The following PAX3 variants were observed in gnomAD, a reference collection of about 807,000 sequenced individuals.
The protein encoded by PAX3 is paired box 3, also known as paired box protein Pax-3.
Under a neutral mutation model 51.6 loss-of-function variants are expected in PAX3, and 14 were observed. The ratio of observed to expected loss-of-function variants is 0.27; its 90% CI spans 0.18 to 0.42. The LOEUF (loss-of-function observed/expected upper bound fraction) is 0.42, where lower values mean the gene tolerates loss of function less well. PAX3 is among the 10% of genes least tolerant of loss of function. The pLI, the probability that PAX3 is intolerant of heterozygous loss-of-function variation, is 1.00. For synonymous variants in PAX3, 280 were observed against 253.4 expected, an observed-to-expected ratio of 1.11 and a Z score of -1.00; for missense variants, 540 against 642.8, an observed-to-expected ratio of 0.84 and a Z score of 1.73.
intron 7 of PAX3, among the ~76,000 whole-genome samples, chr2:222,203,129 A>G (rs985744366): frequency 6.9e-6 from 1 of 144,552 alleles, no homozygotes; most frequent in Non-Finnish European, 1.5e-5. Context: ...AATAACCTGG[A>G]CAGTAAGACA....
intron 4 of PAX3, chr2:222,293,801 C>G: frequency 6.2e-7 from 1 of 1,614,060 alleles, no homozygotes; most frequent in Non-Finnish European, 8.5e-7. Flanking sequence ...ATTCAAGTAC[C>G]CTCTATCCCC....
rs57757180 is a variant in PAX3 at position 222,255,917 on chromosome 2, ATT to A, written c.587-23636_587-23635del. Reference sequence around the variant, plus strand: ...AGGTGCACGCCACTACGCCCAGCTAATTTTTTTTTTTTTTTTTTTTTTTGTAT... The same window carrying A: ...AGGTGCACGCCACTACGCCCAGCTAATTTTTTTTTTTTTTTTTTTTTGTAT... On this transcript the variant is annotated intron_variant, in intron 4 of 8. Coordinates refer to ENST00000392070, the MANE Select transcript of PAX3 (RefSeq NM_181458.4). Among the ~76,000 whole-genome samples, 132 of 98,322 alleles carry A rather than the reference ATT, an allele frequency of 1.3e-3. No homozygotes were observed. The South Asian group carries it at 0.03, about 22-fold the overall frequency. The allele number at this position is 98,322 out of a possible 152,430, so 64.5% of individuals were successfully genotyped here.
At chr2:222,244,819 C>T (rs1693160631) in intron 4 of PAX3, among the ~76,000 whole-genome samples, 1 of 150,882 alleles carries the variant, frequency 6.6e-6, no homozygotes, top group Admixed American at 6.6e-5. Flanking sequence ...AGTTACTCAA[C>T]TTCACCTAAC....
intron 4 of PAX3, among the ~76,000 whole-genome samples, chr2:222,259,109 A>G (rs184208344): frequency 1.1e-4 from 17 of 152,240 alleles, no homozygotes; most frequent in Middle Eastern, 3.4e-3. Context: ...TTTATTCTGT[A>G]TTTTGCCACA....
At chr2:222,230,766 A>C (rs1297193513) in intron 5 of PAX3, among the ~76,000 whole-genome samples, 1 of 151,156 alleles carries the variant, frequency 6.6e-6, no homozygotes, top group Non-Finnish European at 1.5e-5. Context: ...GAGTCAGGAG[A>C]ATCGCTTGAA....
chr2:222,291,203 C>T (rs1256012131), intron 4 of PAX3, among the ~76,000 whole-genome samples: 1 of 152,220 alleles, frequency 6.6e-6, no homozygotes, highest in Non-Finnish European at 1.5e-5. Flanking sequence ...GTGCCCACAG[C>T]CCCGGATGCC....
intron 4 of PAX3, among the ~76,000 whole-genome samples, chr2:222,291,769 G>A (rs1331274292): frequency 6.6e-6 from 1 of 152,052 alleles, no homozygotes; most frequent in Non-Finnish European, 1.5e-5. Context: ...TTTTACAAGC[G>A]GGCAGCCTGG....
At chr2:222,292,648 G>A (rs2106193581) in intron 4 of PAX3, among the ~76,000 whole-genome samples, 1 of 152,318 alleles carries the variant, frequency 6.6e-6, no homozygotes, top group African/African-American at 2.4e-5. Flanking sequence ...TTTGGTTTGG[G>A]GTTGTCTGAC....
At chr2:222,216,902 A>T (rs778355161) in intron 7 of PAX3, among the ~76,000 whole-genome samples, 1 of 152,250 alleles carries the variant, frequency 6.6e-6, no homozygotes, top group Non-Finnish European at 1.5e-5. Context: ...AATAAAATGC[A>T]GAAATATTTT....
At chr2:222,224,197 C>T (rs1337961891) in intron 5 of PAX3, among the ~76,000 whole-genome samples, 1 of 152,148 alleles carries the variant, frequency 6.6e-6, no homozygotes, top group Admixed American at 6.5e-5. Flanking sequence ...ATTTATTATA[C>T]AGTATCTATT....
At position 222,298,695 on chromosome 2, in the gene PAX3, G is replaced by A. The variant is rs1355629746; in HGVS notation, c.-80C>T. The A allele has an allele frequency of 1.5e-6, 2 of 1,354,068 alleles. No individual in the cohort carries two copies. Among genetic ancestry groups the A allele is most frequent in the Non-Finnish European group, 2.1e-6 (2 of 969,562 alleles). 83.9% of individuals were successfully genotyped at this position (1,354,068 alleles called of 1,614,324 possible). A position where few individuals can be genotyped will look rare whatever the true frequency, so the allele number is the denominator to read the frequency against. On this transcript the variant is annotated 5_prime_UTR_variant, in exon 1 of 9. Coordinates refer to ENST00000392070, the MANE Select transcript of PAX3 (RefSeq NM_181458.4). ...CGAGTGCGGCGCGGATGACCCTCGG[G>A]AACTATCCGGAGCGTGGAGAGCCCC...
intron 7 of PAX3, among the ~76,000 whole-genome samples, chr2:222,207,241 A>T (rs761368799): frequency 2.6e-5 from 4 of 152,174 alleles, no homozygotes; most frequent in Non-Finnish European, 5.9e-5. Context: ...AAATTTAAGG[A>T]GCAGAGACTT....
At chr2:222,204,170 G>GA (rs1290596357) in intron 7 of PAX3, among the ~76,000 whole-genome samples, 1 of 152,160 alleles carries the variant, frequency 6.6e-6, no homozygotes, top group Non-Finnish European at 1.5e-5. Flanking sequence ...TGGAGAAAGT[G>GA]AAAGTCACAA....
At position 222,295,641 on chromosome 2, in the gene PAX3, T is replaced by A; in HGVS notation, c.338A>T (p.Asp113Val). Residue 113 changes from aspartate (D) to valine (V), a missense_variant, in exon 3 of 9, where the codon GAC becomes GTC. Around this residue, in one of 3 missense-constraint regions of PAX3, gnomAD observed 427 missense variants for 483.6 expected, o/e 0.88. Coordinates refer to ENST00000392070, the MANE Select transcript of PAX3 (RefSeq NM_181458.4). ...GSKPKQVTTP[D>V]VEKKIEEYKR... ...GTATTCCTCAATTTTCTTCTCCACG[T>A]CAGGCGTTGTCACCTGCTTTAAGAG... The A allele has an allele frequency of 1.2e-6, 2 of 1,614,216 alleles. No homozygotes were observed. The highest frequency in any genetic ancestry group is 2.2e-5 in the South Asian group (2 of 91,086).
At chr2:222,261,438 G>A (rs1221885257) in intron 4 of PAX3, among the ~76,000 whole-genome samples, 3 of 152,060 alleles carry the variant, frequency 2.0e-5, no homozygotes, top group Non-Finnish European at 2.9e-5. Context: ...CAATTTGTAT[G>A]GAACATTACA....
In PAX3 at chr2:222,200,930, A is replaced by C; in HGVS notation, c.*478T>G. 1.8e-6 allele frequency: 1 copy of C among 555,368 alleles called. No individual in the cohort carries two copies. Among genetic ancestry groups the C allele is most frequent in the Non-Finnish European group, 3.2e-6 (1 of 310,762 alleles). The allele number at this position is 555,368 out of a possible 1,614,324, so 34.4% of individuals were successfully genotyped here. On this transcript the variant is annotated 3_prime_UTR_variant, in exon 9 of 9. Coordinates refer to ENST00000392070, the MANE Select transcript of PAX3 (RefSeq NM_181458.4). ...TGCTTCATGAAATGAGCAGTTTTAA[A>C]GTTGTAGAAGTATCAGCATCGAACA...
chr2:222,244,779 A>G (rs1188131328), intron 4 of PAX3, among the ~76,000 whole-genome samples: 1 of 151,788 alleles, frequency 6.6e-6, no homozygotes, highest in Non-Finnish European at 1.5e-5. Flanking sequence ...CTCATTCCCA[A>G]TTCCCTTAAA....
intron 4 of PAX3, among the ~76,000 whole-genome samples, chr2:222,290,880 G>A (rs1695005323): frequency 6.6e-6 from 1 of 151,838 alleles, no homozygotes; most frequent in South Asian, 2.1e-4. Flanking sequence ...AAAAAAATGG[G>A]GGGAGGTTGC....
intron 7 of PAX3, among the ~76,000 whole-genome samples, chr2:222,205,106 T>C (rs1205219992): frequency 2.0e-5 from 3 of 152,200 alleles, no homozygotes; most frequent in Non-Finnish European, 4.4e-5. Flanking sequence ...TATGATGTTG[T>C]TCATGAAGCA....
Sources: allele counts gnomAD v4.1 joint callset (sites outside exome capture counted in the v4.1 genomes callset), GRCh38; gene constraint gnomAD v4.1.1; regional missense constraint gnomAD v4.1.1; transcripts MANE v1.5; gene names NCBI Gene and HGNC (gene_info 2026-07-23, HGNC 2026-07-21).